SMYD3: variants seen among roughly 807,000 people sequenced by gnomAD.
The protein encoded by SMYD3 is SET and MYND domain containing 3, also known as histone-lysine N-methyltransferase SMYD3.
SMYD3 carries 36 observed loss-of-function variants against 57.7 expected under a neutral mutation model. The ratio of observed to expected loss-of-function variants is 0.62; its 90% CI spans 0.48 to 0.82. SMYD3 has a LOEUF of 0.82. SMYD3 is among the 40% of genes least tolerant of loss of function. SMYD3 has a pLI of 0.00. For synonymous variants in SMYD3, 211 were observed against 195.0 expected (o/e 1.08, Z -0.68); for missense variants, 515 against 538.8 (o/e 0.96, Z 0.44).
At chr1:246,352,726 C>T (rs2065851472) in intron 2 of SMYD3, among the ~76,000 whole-genome samples, 1 of 152,070 alleles carries the variant, frequency 6.6e-6, no homozygotes, top group Admixed American at 6.6e-5. Context: ...AATGACATAC[C>T]CACCCACCAA....
chr1:246,241,354 T>C lies in SMYD3; in HGVS notation c.531+85847A>G, dbSNP rs1006341404. Among the ~76,000 whole-genome samples the C allele has an allele frequency of 5.9e-5, 9 of 152,246 alleles. 1 individual carries two copies. The highest frequency in any genetic ancestry group is 2.2e-4 in the African/African-American group (9 of 41,466). Reference sequence around the variant, plus strand: ...TTCTGCATCTATTGAGATAATCATATGGCTTTTGCCTTTGGTTCTGTTTAT... The same window carrying C: ...TTCTGCATCTATTGAGATAATCATACGGCTTTTGCCTTTGGTTCTGTTTAT... On this transcript the variant is annotated intron_variant, in intron 5 of 11. Transcript: ENST00000490107.
chr1:246,261,359 CTT>C (rs537367095), intron 5 of SMYD3, among the ~76,000 whole-genome samples: 55 of 141,764 alleles, frequency 3.9e-4, no homozygotes, highest in African/African-American at 5.6e-4. Flanking sequence ...ACCCAGCTCT[CTT>C]TGTTTTTTTT....
At chr1:246,154,351 AG>A in intron 5 of SMYD3, among the ~76,000 whole-genome samples, 1 of 152,352 alleles carries the variant, frequency 6.6e-6, no homozygotes, top group African/African-American at 2.4e-5. Context: ...ATACAGCTCC[AG>A]GTAAGTAATC....
intron 1 of SMYD3, among the ~76,000 whole-genome samples, chr1:246,503,896 G>A (rs1209431850): frequency 6.7e-6 from 1 of 150,186 alleles, no homozygotes; most frequent in Non-Finnish European, 1.5e-5. Context: ...GGAGGTTGTG[G>A]TGAGCCAAGA....
chr1:246,102,957 A>C (rs371856732), intron 5 of SMYD3, among the ~76,000 whole-genome samples: 1 of 152,238 alleles, frequency 6.6e-6, no homozygotes, highest in South Asian at 2.1e-4. Context: ...AAGATTTGCT[A>C]ATTTTGCTAC....
chr1:246,166,365 A>G (rs190915750), intron 5 of SMYD3, among the ~76,000 whole-genome samples: 5 of 152,316 alleles, frequency 3.3e-5, no homozygotes, highest in African/African-American at 1.2e-4. Flanking sequence ...TCCAGCATGC[A>G]TGACTGAAAC....
chr1:246,225,027 CAAT>C (rs2063307768), intron 5 of SMYD3, among the ~76,000 whole-genome samples: 1 of 149,288 alleles, frequency 6.7e-6, no homozygotes, highest in Admixed American at 6.7e-5. Context: ...CTCAGTATAG[CAAT>C]CAAGGCTGGA....
At chr1:246,356,833 A>G (rs2065917241) in intron 1 of SMYD3, among the ~76,000 whole-genome samples, 1 of 152,224 alleles carries the variant, frequency 6.6e-6, no homozygotes. Context: ...GGTGTTCCCA[A>G]GACAAAAAAA....
At chr1:246,118,784 C>T (rs927015927) in intron 5 of SMYD3, among the ~76,000 whole-genome samples, 80 of 147,094 alleles carry the variant, frequency 5.4e-4, no homozygotes, top group Non-Finnish European at 2.0e-4. Context: ...TTCACCAGAA[C>T]TTAAACTTAA....
chr1:246,272,760 C>CT (rs2064246870), intron 5 of SMYD3, among the ~76,000 whole-genome samples: 1 of 152,118 alleles, frequency 6.6e-6, no homozygotes, highest in African/African-American at 2.4e-5. Context: ...CTCATAATAT[C>CT]TTTGTCTGGC....
At chr1:246,427,348 G>A (rs574533744) in intron 1 of SMYD3, among the ~76,000 whole-genome samples, 7 of 151,420 alleles carry the variant, frequency 4.6e-5, no homozygotes, top group East Asian at 3.9e-4. Context: ...GTGAAACCCC[G>A]TCTCTACTAA....
intron 5 of SMYD3, among the ~76,000 whole-genome samples, chr1:246,125,597 T>G (rs1315674370): frequency 6.6e-6 from 1 of 152,178 alleles, no homozygotes; most frequent in African/African-American, 2.4e-5. Flanking sequence ...GTTTTTAAAG[T>G]TCAGCTGAGG....
chr1:246,225,321 C>CAAAAAAAAAAAAAAAAAAAAA lies in SMYD3; in HGVS notation c.531+101859_531+101879dup, dbSNP rs60915002. Among the ~76,000 whole-genome samples the CAAAAAAAAAAAAAAAAAAAAA allele has an allele frequency of 2.0e-4, 15 of 76,296 alleles. 4 individuals carry two copies. Among genetic ancestry groups the CAAAAAAAAAAAAAAAAAAAAA allele is most frequent in the Non-Finnish European group, 3.6e-4 (12 of 33,452 alleles). The allele number at this position is 76,296 out of a possible 152,430, so 50.1% of individuals were successfully genotyped here. ...GTTATGTGGAAGACTGCTGAAAAGT[C>CAAAAAAAAAAAAAAAAAAAAA]AAAAAAAAAAAAAAAAAAAAAAAAA... On this transcript the variant is annotated intron_variant, in intron 5 of 11. Transcript: ENST00000490107.
At chr1:246,299,401 A>AG (rs1224084260) in intron 5 of SMYD3, among the ~76,000 whole-genome samples, 2 of 152,164 alleles carry the variant, frequency 1.3e-5, no homozygotes, top group Non-Finnish European at 2.9e-5. Flanking sequence ...GTCGGAGTGT[A>AG]GGTTAGTTCA....
At chr1:246,356,780 A>C (rs1354735904) in intron 1 of SMYD3, among the ~76,000 whole-genome samples, 1 of 152,198 alleles carries the variant, frequency 6.6e-6, no homozygotes, top group African/African-American at 2.4e-5. Flanking sequence ...CAAGCATCCA[A>C]GAAGTTTGGA....
chr1:245,958,593 G>A (rs903315096), intron 5 of SMYD3, among the ~76,000 whole-genome samples: 19 of 152,076 alleles, frequency 1.2e-4, no homozygotes, highest in Admixed American at 2.0e-4. Flanking sequence ...CTCCTCCTCC[G>A]TAGCAAAGTA....
intron 5 of SMYD3, among the ~76,000 whole-genome samples, chr1:245,973,861 C>T (rs765449142): frequency 2.6e-5 from 4 of 152,118 alleles, no homozygotes; most frequent in Non-Finnish European, 4.4e-5. Flanking sequence ...CATTCGGAAA[C>T]GTAAATGTCC....
chr1:246,213,537 T>C (rs1280234716), intron 5 of SMYD3, among the ~76,000 whole-genome samples: 1 of 152,060 alleles, frequency 6.6e-6, no homozygotes, highest in Non-Finnish European at 1.5e-5. Flanking sequence ...AACAGAACAT[T>C]CTCAGGCCCT....
intron 1 of SMYD3, among the ~76,000 whole-genome samples, chr1:246,440,838 A>G (rs2067451844): frequency 6.6e-6 from 1 of 152,178 alleles, no homozygotes; most frequent in African/African-American, 2.4e-5. Flanking sequence ...CGCATCTGTG[A>G]CCATCTTTCT....
Sources: allele counts gnomAD v4.1 joint callset (sites outside exome capture counted in the v4.1 genomes callset), GRCh38; gene constraint gnomAD v4.1.1; transcripts MANE v1.5; gene names NCBI Gene and HGNC (gene_info 2026-07-23, HGNC 2026-07-21).